The following CCSER1 variants were observed in gnomAD, a reference collection of about 807,000 sequenced individuals.
The protein encoded by CCSER1 is coiled-coil serine rich protein 1.
Under a neutral mutation model 82.0 loss-of-function variants are expected in CCSER1, and 41 were observed. The observed-to-expected ratio is 0.50, with a 90% CI of 0.39 to 0.65. The LOEUF (loss-of-function observed/expected upper bound fraction) is 0.65, where lower values mean the gene tolerates loss of function less well. CCSER1 is among the 30% of genes least tolerant of loss of function. The pLI is 0.00. For synonymous variants in CCSER1, 414 were observed against 383.9 expected, an observed-to-expected ratio of 1.08 and a Z score of -0.92; for missense variants, 1,119 against 1,064.2, an observed-to-expected ratio of 1.05 and a Z score of -0.72.
At chr4:90,683,871 T>C (rs1663236853) in intron 6 of CCSER1, among the ~76,000 whole-genome samples, 1 of 152,146 alleles carries the variant, frequency 6.6e-6, no homozygotes, top group African/African-American at 2.4e-5. Context: ...TTTTGAGCCA[T>C]GTTTCCTTGA....
chr4:90,995,459 A>C (rs1248018499), intron 9 of CCSER1, among the ~76,000 whole-genome samples: 2 of 152,126 alleles, frequency 1.3e-5, no homozygotes, highest in African/African-American at 4.8e-5. Flanking sequence ...CATAGTAATT[A>C]CATCTTCCTG....
chr4:90,344,575 A>C (rs1310074955), intron 3 of CCSER1, among the ~76,000 whole-genome samples: 1 of 151,962 alleles, frequency 6.6e-6, no homozygotes, highest in Non-Finnish European at 1.5e-5. Flanking sequence ...ACCCCCATAA[A>C]CTCCTTGTAA....
At chr4:90,325,004 G>T (rs561116694) in intron 3 of CCSER1, among the ~76,000 whole-genome samples, 1 of 152,054 alleles carries the variant, frequency 6.6e-6, no homozygotes, top group Non-Finnish European at 1.5e-5. Context: ...TATTTCTGAG[G>T]GCTCTGTTCT....
chr4:91,588,336 G>A (rs1764108318), intron 10 of CCSER1, among the ~76,000 whole-genome samples: 1 of 151,406 alleles, frequency 6.6e-6, no homozygotes, highest in South Asian at 2.1e-4. Context: ...GGAAAAAAGT[G>A]GTTGGCTATT....
chr4:90,413,165 G>T (rs952145800), intron 4 of CCSER1, among the ~76,000 whole-genome samples: 1 of 152,086 alleles, frequency 6.6e-6, no homozygotes, highest in African/African-American at 2.4e-5. Flanking sequence ...ACCAACCTGA[G>T]AATCAAATGA....
chr4:91,569,946 C>A (rs1214636179), intron 10 of CCSER1, among the ~76,000 whole-genome samples: 1 of 152,102 alleles, frequency 6.6e-6, no homozygotes, highest in African/African-American at 2.4e-5. Flanking sequence ...CTGTAAAATC[C>A]AAAGCAAGTT....
At chr4:90,364,026 A>G (rs541863988) in intron 3 of CCSER1, among the ~76,000 whole-genome samples, 28 of 152,232 alleles carry the variant, frequency 1.8e-4, no homozygotes, top group African/African-American at 6.5e-4. Flanking sequence ...GGAAAGCAAG[A>G]GCAAGAAAAA....
intron 1 of CCSER1, among the ~76,000 whole-genome samples, chr4:90,282,683 A>G (rs1206396595): frequency 1.3e-5 from 2 of 152,078 alleles, no homozygotes; most frequent in East Asian, 3.9e-4. Context: ...GTTACAAATC[A>G]CTGAATACTA....
At chr4:91,423,856 G>T (rs1278462972) in intron 10 of CCSER1, among the ~76,000 whole-genome samples, 1 of 152,036 alleles carries the variant, frequency 6.6e-6, no homozygotes, top group Non-Finnish European at 1.5e-5. Context: ...AGCTTCAGAG[G>T]AGACAGCAGG....
At chr4:90,733,790 C>A (rs994747225) in intron 7 of CCSER1, among the ~76,000 whole-genome samples, 1 of 151,974 alleles carries the variant, frequency 6.6e-6, no homozygotes, top group Admixed American at 6.6e-5. Context: ...TTTTCCTTTC[C>A]CCGATGCATG....
intron 10 of CCSER1, among the ~76,000 whole-genome samples, chr4:91,489,233 T>G (rs1271755242): frequency 6.6e-6 from 1 of 152,142 alleles, no homozygotes; most frequent in Non-Finnish European, 1.5e-5. Context: ...GAAGAGGTAT[T>G]GGGGTAGAAT....
chr4:90,807,899 T>C (rs1757733212), intron 7 of CCSER1, among the ~76,000 whole-genome samples: 1 of 152,028 alleles, frequency 6.6e-6, no homozygotes, highest in African/African-American at 2.4e-5. Flanking sequence ...AAAAAAAATT[T>C]TAAAACTTAT....
intron 1 of CCSER1, among the ~76,000 whole-genome samples, chr4:90,237,552 A>G (rs527292336): frequency 2.0e-5 from 3 of 152,308 alleles, no homozygotes; most frequent in South Asian, 4.1e-4. Context: ...TAGGCCACAG[A>G]AACTTCCATT....
At chr4:90,539,570 T>A (rs576431363) in intron 5 of CCSER1, among the ~76,000 whole-genome samples, 1 of 152,214 alleles carries the variant, frequency 6.6e-6, no homozygotes, top group Admixed American at 6.5e-5. Flanking sequence ...ATACAGACTC[T>A]AATTGGGTAG....
At chr4:91,590,811 T>C (rs1764229895) in intron 10 of CCSER1, among the ~76,000 whole-genome samples, 1 of 152,182 alleles carries the variant, frequency 6.6e-6, no homozygotes, top group Non-Finnish European at 1.5e-5. Flanking sequence ...GCCTGGTATA[T>C]AATAAGGATT....
chr4:91,434,193 G>T (rs1754501250), intron 10 of CCSER1, among the ~76,000 whole-genome samples: 1 of 142,666 alleles, frequency 7.0e-6, no homozygotes, highest in Admixed American at 6.7e-5. Context: ...CAGACTTTTT[G>T]TTTGTTTTTT....
chr4:90,889,583 G>A (rs1722666343), intron 8 of CCSER1, among the ~76,000 whole-genome samples: 1 of 152,054 alleles, frequency 6.6e-6, no homozygotes, highest in African/African-American at 2.4e-5. Context: ...ATGAATAAAT[G>A]TTGCAGTATT....
chr4:90,486,041 T>C (rs1014106288), intron 5 of CCSER1, among the ~76,000 whole-genome samples: 3 of 152,192 alleles, frequency 2.0e-5, no homozygotes, highest in East Asian at 1.9e-4. Flanking sequence ...GAAACAAATA[T>C]GGAACCTAAT....
intron 4 of CCSER1, among the ~76,000 whole-genome samples, chr4:90,458,210 G>T (rs1334452803): frequency 6.6e-6 from 1 of 152,054 alleles, no homozygotes; most frequent in African/African-American, 2.4e-5. Flanking sequence ...CTTGTAAGGG[G>T]GCAGGGCCTC....
Sources: allele counts gnomAD v4.1 joint callset (sites outside exome capture counted in the v4.1 genomes callset), GRCh38; gene constraint gnomAD v4.1.1; transcripts MANE v1.5; gene names NCBI Gene and HGNC (gene_info 2026-07-23, HGNC 2026-07-21).